Variants in ABCB9 observed in about 807,000 individuals in gnomAD.
ABCB9 encodes ATP binding cassette subfamily B member 9.
ABCB9 carries 36 observed loss-of-function variants against 62.0 expected under a neutral mutation model. That is an observed-to-expected ratio of 0.58 (90% confidence interval 0.45 to 0.77). The LOEUF is 0.77. Ranked by LOEUF, ABCB9 falls within the 30% of genes least tolerant of loss-of-function variation. The pLI is 0.00. For synonymous variants in ABCB9, 435 were observed against 461.4 expected (o/e 0.94, Z 0.73); for missense variants, 943 against 1,054.7 (o/e 0.89, Z 1.47).
intron 10 of ABCB9, among the ~76,000 whole-genome samples, chr12:122,933,610 A>C (rs1384683266): frequency 2.6e-5 from 4 of 152,104 alleles, no homozygotes; most frequent in Non-Finnish European, 5.9e-5. Context: ...ACAATGTTGC[A>C]CAACCACCAC....
chr12:122,963,083 A>G (rs1422371255), intron 1 of ABCB9, among the ~76,000 whole-genome samples: 1 of 152,178 alleles, frequency 6.6e-6, no homozygotes, highest in African/African-American at 2.4e-5. Context: ...CAACAGCTTG[A>G]GCTCACGAGT....
rs1473510626 is a variant in ABCB9, at chr12:122,948,827, C to T, written c.850G>A (p.Asp284Asn). ...TSFFDENRTG[D>N]LISRLTSDTT... is the part of the protein sequence containing the mutation. ...TCCGAGGTCAGGCGGGAGATGAGGTCCCCTGGAACACACGCGGCTCAGCTC... is the reference window on the plus strand; with the variant it reads ...TCCGAGGTCAGGCGGGAGATGAGGTTCCCTGGAACACACGCGGCTCAGCTC... Residue 284 changes from aspartate (D) to asparagine (N), a missense_variant and splice_region_variant, in exon 5 of 12, where the codon GAC (aspartate) becomes AAC (asparagine). Coordinates refer to ENST00000280560, the MANE Select transcript of ABCB9 (RefSeq NM_019625.4). The T allele has an allele frequency of 2.6e-6, 4 of 1,555,042 alleles. No homozygotes were observed. In the South Asian group the frequency reaches 4.9e-5, roughly 19 times the overall value.
At chr12:122,952,555 G>A (rs1400371351) in intron 2 of ABCB9, 2 of 152,204 alleles carry the variant, frequency 1.3e-5, no homozygotes, top group African/African-American at 4.8e-5. Flanking sequence ...TTGGCCAGAC[G>A]AGGTCTCCAG....
At chr12:122,954,534 C>A (rs898960142) in intron 2 of ABCB9, among the ~76,000 whole-genome samples, 1 of 152,002 alleles carries the variant, frequency 6.6e-6, no homozygotes, top group African/African-American at 2.4e-5. Context: ...ATTCCGTCAC[C>A]CAGGCTGGAG....
At chr12:122,938,056 T>A (rs1395362952) in intron 9 of ABCB9, among the ~76,000 whole-genome samples, 1 of 152,206 alleles carries the variant, frequency 6.6e-6, no homozygotes, top group Non-Finnish European at 1.5e-5. Context: ...TATAACCACC[T>A]GGGGATAGCT....
At chr12:122,958,381 G>A (rs919994639) in intron 2 of ABCB9, among the ~76,000 whole-genome samples, 3 of 152,162 alleles carry the variant, frequency 2.0e-5, no homozygotes, top group African/African-American at 7.2e-5. Flanking sequence ...TGGGTGAGAG[G>A]TGGGGGAGTG....
At chr12:122,934,167 G>A (rs796986065) in intron 10 of ABCB9, among the ~76,000 whole-genome samples, 17 of 152,304 alleles carry the variant, frequency 1.1e-4, no homozygotes, top group African/African-American at 4.1e-4. Context: ...AGAATCGCTT[G>A]AACCTGGGAG....
At chr12:122,945,043 GTCC>G (rs2035962188) in intron 6 of ABCB9, among the ~76,000 whole-genome samples, 1 of 152,184 alleles carries the variant, frequency 6.6e-6, no homozygotes, top group South Asian at 2.1e-4. Context: ...GACTCCATCT[GTCC>G]TCCTCATGCC....
intron 2 of ABCB9, chr12:122,951,120 T>C (rs902563079): frequency 4.0e-5 from 6 of 151,724 alleles, no homozygotes; most frequent in African/African-American, 1.5e-4. Flanking sequence ...AGTACTGGGA[T>C]TATAGGTATG....
chr12:122,957,899 G>A (rs2036687837), intron 2 of ABCB9, among the ~76,000 whole-genome samples: 1 of 151,442 alleles, frequency 6.6e-6, no homozygotes, highest in African/African-American at 2.4e-5. Context: ...GTCGGGCGCA[G>A]TGGCTCATGC....
At position 122,940,005 on chromosome 12, in the gene ABCB9, C is replaced by T. The variant is rs1014850656; in HGVS notation, c.1743+106G>A. 19 of 1,377,090 alleles carry T rather than the reference C, an allele frequency of 1.4e-5. No homozygotes were observed. The highest frequency in any genetic ancestry group is 1.9e-5 in the Non-Finnish European group (19 of 1,019,330). The allele number at this position is 1,377,090 out of a possible 1,614,324, so 85.3% of individuals were successfully genotyped here. On this transcript the variant is annotated intron_variant, in intron 9 of 11. Transcript: ENST00000280560. This position sits in a 1 kb window ranked among gnomAD's most constrained non-coding sequence, Gnocchi z 4.8. ...TTGTAATTGGTGATAATTCTTTGAACTGTCCATTTATCTCTAGTGCCCTCT... is the reference window on the plus strand; with the variant it reads ...TTGTAATTGGTGATAATTCTTTGAATTGTCCATTTATCTCTAGTGCCCTCT...
rs2135911841 is a variant in ABCB9 at position 122,960,153 on chromosome 12, C to G, written c.83G>C (p.Ser28Thr). The stretch of plus-strand genomic sequence containing the variant: ...CTCCAGGAGGCTGCGGTCCAGGTGG[C>G]TGAAGACATAGATGGCCGTGGTCAC... Reference protein sequence around the residue: ...ICVTTAIYVFSHLDRSLLEDI... With the variant: ...ICVTTAIYVFTHLDRSLLEDI... Residue 28 changes from serine (S) to threonine (T), a missense_variant, in exon 2 of 12, where the codon AGC becomes ACC. By Grantham distance (58) the Ser-to-Thr change is moderately conservative (BLOSUM62 1). Transcript: ENST00000280560. The G allele has an allele frequency of 6.2e-7, 1 of 1,613,728 alleles. No individual in the cohort carries two copies. The highest frequency in any genetic ancestry group is 2.2e-5 in the East Asian group (1 of 44,878).
Position 122,946,229 on chromosome 12 carries a change from A to G in ABCB9, c.1054-7T>C, listed in dbSNP as rs928012677. ...GGACCTCTTTGGAGAGCCTCTATGG[A>G]CAGGAGGGGGACAAGAAGGAGAAGA... On this transcript the variant is annotated splice_polypyrimidine_tract_variant and splice_region_variant and intron_variant, in intron 5 of 11. Coordinates refer to ENST00000280560, the MANE Select transcript of ABCB9 (RefSeq NM_019625.4). 1.9e-6 allele frequency: 3 copies of G among 1,613,882 alleles called. No individual in the cohort carries two copies. In the African/African-American group the frequency reaches 4.0e-5, roughly 22 times the overall value.
chr12:122,948,403 G>C (rs1291355336), intron 5 of ABCB9: 57 of 466,782 alleles, frequency 1.2e-4, no homozygotes, highest in Middle Eastern at 5.7e-4. Context: ...GTTCCAGGAA[G>C]GCAGGGGCCT....
intron 4 of ABCB9, 85 bp downstream of exon 4, chr12:122,949,703 A>G: frequency 6.5e-7 from 1 of 1,546,060 alleles, no homozygotes; most frequent in Non-Finnish European, 8.9e-7. Flanking sequence ...GACCACCCAC[A>G]CGCCCATTTC....
intron 11 of ABCB9, among the ~76,000 whole-genome samples, chr12:122,921,310 G>A (rs1360328936): frequency 1.3e-5 from 2 of 152,108 alleles, no homozygotes; most frequent in African/African-American, 4.8e-5. Flanking sequence ...AGCTATTTAG[G>A]AGCCTGAGGC....
At chr12:122,968,641 T>A (rs1299268291), upstream of ABCB9, among the ~76,000 whole-genome samples, 2 of 147,600 alleles carry the variant, frequency 1.4e-5, no homozygotes, top group Non-Finnish European at 3.0e-5. Context: ...TGTACCTTTT[T>A]TTTTTTTTTT....
At chr12:122,968,632 G>A (rs900620508), upstream of ABCB9, among the ~76,000 whole-genome samples, 3 of 135,320 alleles carry the variant, frequency 2.2e-5, no homozygotes, top group East Asian at 6.9e-4. Context: ...TCATTCCTCT[G>A]TACCTTTTTT....
At chr12:122,963,057 G>A (rs894383063) in intron 1 of ABCB9, among the ~76,000 whole-genome samples, 3 of 152,150 alleles carry the variant, frequency 2.0e-5, no homozygotes, top group Admixed American at 6.6e-5. Context: ...TGGGCCTCTT[G>A]GGAGGCCAAG....
Sources: allele counts gnomAD v4.1 joint callset (sites outside exome capture counted in the v4.1 genomes callset), GRCh38; gene constraint gnomAD v4.1.1; non-coding constraint Gnocchi (gnomAD v3.1); transcripts MANE v1.5; gene names NCBI Gene and HGNC (gene_info 2026-07-23, HGNC 2026-07-21).